The following CLVS1 variants were observed in gnomAD, a reference collection of about 807,000 sequenced individuals.
The protein encoded by CLVS1 is clavesin 1, also known as clavesin-1.
Under a neutral mutation model 33.1 loss-of-function variants are expected in CLVS1, and 10 were observed. The ratio of observed to expected loss-of-function variants is 0.30; its 90% CI spans 0.19 to 0.51. The LOEUF (loss-of-function observed/expected upper bound fraction) is 0.51. CLVS1 is among the 20% of genes least tolerant of loss of function. The probability of loss-of-function intolerance (pLI) is 0.97; values close to 1 mark genes in which losing one functional copy is unlikely to be tolerated. For synonymous variants in CLVS1, 163 were observed against 166.1 expected (o/e 0.98, Z 0.14); for missense variants, 343 against 433.4 (o/e 0.79, Z 1.85).
At chr8:61,030,720 A>G in the CLVS1 span, among the ~76,000 whole-genome samples, 1 of 152,338 alleles carries the variant, frequency 6.6e-6, no homozygotes, top group Non-Finnish European at 1.5e-5. Context: ...GCCAGGCATC[A>G]GGGTTTCCAA....
rs187145765 is a variant in CLVS1 at position 61,212,158 on chromosome 8, T to G, written c.-152+80298T>G. Among the ~76,000 whole-genome samples, 4 of 152,332 alleles carry G rather than the reference T, an allele frequency of 2.6e-5. No homozygotes were observed. The East Asian group carries it at 5.8e-4, about 22-fold the overall frequency. On this transcript the variant is annotated intron_variant, in intron 2 of 2. Coordinates refer to the CLVS1 transcript ENST00000522621. ...CATAAGAAACTCACACAGAGGCTGA[T>G]AGCAGAAGCAGCCTCTCCGCCCTCC...
At chr8:61,146,712 G>A (rs943400682) in intron 2 of CLVS1, among the ~76,000 whole-genome samples, 3 of 152,224 alleles carry the variant, frequency 2.0e-5, no homozygotes, top group Non-Finnish European at 4.4e-5. Flanking sequence ...AGGACAAATG[G>A]CGAGGAGCAT....
rs143136693 is a variant in CLVS1 at position 61,265,589 on chromosome 8, T to C, written c.-151-34088T>C. Among the ~76,000 whole-genome samples, 536 of 152,318 alleles carry C rather than the reference T, an allele frequency of 3.5e-3. 3 individuals carry two copies. The highest frequency in any genetic ancestry group is 0.011 in the African/African-American group (460 of 41,566). Reference sequence around the variant, plus strand: ...ACAACACCTAGGTTTCACTAGCAAATGTTGTCAGCTCTGCTTCCAAAATAT... The same window carrying C: ...ACAACACCTAGGTTTCACTAGCAAACGTTGTCAGCTCTGCTTCCAAAATAT... On this transcript the variant is annotated intron_variant, in intron 2 of 2. Transcript: ENST00000522621.
At chr8:61,302,681 T>C (rs529460743) in intron 2 of CLVS1, among the ~76,000 whole-genome samples, 2 of 152,336 alleles carry the variant, frequency 1.3e-5, no homozygotes, top group East Asian at 3.9e-4. Flanking sequence ...GTATTGATAA[T>C]TCTGGAGAAT....
chr8:61,129,136 G>A (rs1835758), intron 1 of CLVS1, among the ~76,000 whole-genome samples: 7,253 of 152,280 alleles, frequency 0.048, 543 homozygotes, highest in African/African-American at 0.16. Context: ...CACCACAGTC[G>A]CACAAAGAGA....
chr8:61,416,457 A>C (rs1160614202), intron 3 of CLVS1, among the ~76,000 whole-genome samples: 1 of 152,210 alleles, frequency 6.6e-6, no homozygotes, highest in Non-Finnish European at 1.5e-5. Context: ...CAAGGCCTTC[A>C]TTCTTCTCTA....
At chr8:61,311,402 G>T (rs1810827233) in intron 2 of CLVS1, among the ~76,000 whole-genome samples, 2 of 152,012 alleles carry the variant, frequency 1.3e-5, no homozygotes, top group African/African-American at 2.4e-5. Context: ...GCTGCTTTCT[G>T]CCCACCATCA....
chr8:61,046,359 G>T, the CLVS1 span, among the ~76,000 whole-genome samples: 1 of 144,478 alleles, frequency 6.9e-6, no homozygotes, highest in Non-Finnish European at 1.5e-5. Flanking sequence ...TCTCTGTTTT[G>T]GTACCAGTAC....
chr8:61,161,875 T>C (rs1314684028), intron 2 of CLVS1, among the ~76,000 whole-genome samples: 1 of 152,130 alleles, frequency 6.6e-6, no homozygotes, highest in African/African-American at 2.4e-5. Context: ...TCTATGTATA[T>C]CAAAACACCA....
At chr8:61,424,966 G>A (rs1288077123) in intron 3 of CLVS1, among the ~76,000 whole-genome samples, 1 of 152,164 alleles carries the variant, frequency 6.6e-6, no homozygotes, top group Non-Finnish European at 1.5e-5. Flanking sequence ...CAAAGTATAT[G>A]CTCATTGGAG....
chr8:61,474,192 G>A (rs1817832133), intron 5 of CLVS1, among the ~76,000 whole-genome samples: 2 of 152,184 alleles, frequency 1.3e-5, no homozygotes, highest in Admixed American at 6.5e-5. Context: ...TAAACTAGAT[G>A]TGGTGTTGCA....
chr8:61,238,220 C>T (rs558262878), intron 2 of CLVS1, among the ~76,000 whole-genome samples: 1 of 152,160 alleles, frequency 6.6e-6, no homozygotes, highest in Non-Finnish European at 1.5e-5. Flanking sequence ...TTCTAACACT[C>T]AGGACCTTCG....
At chr8:61,350,014 G>C (rs1812384727) in intron 2 of CLVS1, among the ~76,000 whole-genome samples, 1 of 152,074 alleles carries the variant, frequency 6.6e-6, no homozygotes, top group Admixed American at 6.6e-5. Context: ...CATGTATGGA[G>C]TATTAAATTA....
chr8:61,416,453 CT>C (rs771347305), intron 3 of CLVS1, among the ~76,000 whole-genome samples: 4 of 152,164 alleles, frequency 2.6e-5, no homozygotes, highest in Non-Finnish European at 5.9e-5. Flanking sequence ...TGTTCAAGGC[CT>C]TCATTCTTCT....
chr8:61,273,463 C>A (rs1017796096), intron 2 of CLVS1, among the ~76,000 whole-genome samples: 1 of 152,186 alleles, frequency 6.6e-6, no homozygotes, highest in Non-Finnish European at 1.5e-5. Flanking sequence ...TGCCCTGCCC[C>A]CAGAGGTGGA....
the CLVS1 span, among the ~76,000 whole-genome samples, chr8:61,042,469 T>A: frequency 2.6e-5 from 4 of 152,214 alleles, no homozygotes; most frequent in Non-Finnish European, 5.9e-5. Context: ...GAAATTTGTT[T>A]CTCACAATTT....
chr8:61,397,092 A>G (rs1308357777), intron 3 of CLVS1, among the ~76,000 whole-genome samples: 2 of 152,138 alleles, frequency 1.3e-5, no homozygotes, highest in South Asian at 2.1e-4. Flanking sequence ...TCTATATTTA[A>G]CATTTTGAGA....
chr8:61,025,733 A>ACGT, the CLVS1 span, among the ~76,000 whole-genome samples: 1 of 152,168 alleles, frequency 6.6e-6, no homozygotes, highest in Non-Finnish European at 1.5e-5. Flanking sequence ...AGGGTTTGCA[A>ACGT]GCCTCCCTGC....
chr8:61,277,583 G>C (rs959852136), intron 2 of CLVS1, among the ~76,000 whole-genome samples: 3 of 152,160 alleles, frequency 2.0e-5, no homozygotes, highest in African/African-American at 7.2e-5. Flanking sequence ...AGCTAGGCCT[G>C]CTAGGTGCTT....
Sources: allele counts gnomAD v4.1 joint callset (sites outside exome capture counted in the v4.1 genomes callset), GRCh38; gene constraint gnomAD v4.1.1; transcripts MANE v1.5; gene names NCBI Gene and HGNC (gene_info 2026-07-23, HGNC 2026-07-21).